SESTD1: variants seen among roughly 807,000 people sequenced by gnomAD.
SESTD1 encodes SEC14 and spectrin domain containing 1, also known as SEC14 domain and spectrin repeat-containing protein 1.
A neutral mutation model predicts 101.7 loss-of-function variants in SESTD1; 43 were observed. The observed-to-expected ratio is 0.42, with a 90% CI of 0.33 to 0.55. The LOEUF (loss-of-function observed/expected upper bound fraction) is 0.55, where lower values mean the gene tolerates loss of function less well. Ranked by LOEUF, SESTD1 falls within the 20% of genes least tolerant of loss-of-function variation. The pLI is 0.07. For synonymous variants in SESTD1, 283 were observed against 286.8 expected (o/e 0.99, Z 0.13); for missense variants, 647 against 815.1 (o/e 0.79, Z 2.51).
intron 5 of SESTD1, among the ~76,000 whole-genome samples, chr2:179,164,957 C>T (rs1256911550): frequency 6.6e-6 from 1 of 152,152 alleles, no homozygotes; most frequent in African/African-American, 2.4e-5. Flanking sequence ...TAAATATTTA[C>T]AAACACAGGC....
chr2:179,155,614 T>C (rs2045612974), intron 5 of SESTD1, among the ~76,000 whole-genome samples: 1 of 150,892 alleles, frequency 6.6e-6, no homozygotes, highest in Non-Finnish European at 1.5e-5. Flanking sequence ...AGATTCTGTC[T>C]CAAAAAAAAA....
At chr2:179,138,662 C>G (rs1186147185) in intron 9 of SESTD1, among the ~76,000 whole-genome samples, 1 of 152,012 alleles carries the variant, frequency 6.6e-6, no homozygotes, top group Admixed American at 6.6e-5. Flanking sequence ...ACAAAAAATA[C>G]TTCTGCAGCC....
chr2:179,108,166 T>C lies in SESTD1; in HGVS notation c.*1733A>G, dbSNP rs776404680. ...TGGACCAGGTATGTAATCCAGAACA[T>C]TGGTATAAAATAAAAACTCTAAGGA... On this transcript the variant is annotated 3_prime_UTR_variant, in exon 18 of 18. Coordinates refer to ENST00000428443, the MANE Select transcript of SESTD1 (RefSeq NM_178123.5). The C allele has an allele frequency of 5.3e-5, 8 of 152,090 alleles. No homozygotes were observed. Among genetic ancestry groups the C allele is most frequent in the Non-Finnish European group, 8.8e-5 (6 of 68,002 alleles). The allele number at this position is 152,090 out of a possible 1,614,324, so 9.4% of individuals were successfully genotyped here.
intron 1 of SESTD1, among the ~76,000 whole-genome samples, chr2:179,246,974 T>C (rs1211705246): frequency 2.6e-5 from 4 of 152,184 alleles, no homozygotes; most frequent in East Asian, 3.8e-4. Flanking sequence ...TCCCATTATA[T>C]ATATTTTTTA....
intron 9 of SESTD1, among the ~76,000 whole-genome samples, chr2:179,143,094 TATAAAA>T (rs1271685535): frequency 1.3e-5 from 2 of 152,146 alleles, no homozygotes; most frequent in African/African-American, 2.4e-5. Flanking sequence ...CTACTTTTCT[TATAAAA>T]ATAAAGTTTA....
rs2046537826 is a variant in SESTD1 at position 179,202,779 on chromosome 2, C to T, written c.-25-10913G>A. Among the ~76,000 whole-genome samples, 4 of 135,444 alleles carry T rather than the reference C, an allele frequency of 3.0e-5. 1 individual carries two copies. In the South Asian group the frequency reaches 8.4e-4, roughly 29 times the overall value. The allele number at this position is 135,444 out of a possible 152,430, so 88.9% of individuals were successfully genotyped here. A position where few individuals can be genotyped will look rare whatever the true frequency, so the allele number is the denominator to read the frequency against. The stretch of plus-strand genomic sequence containing the variant: ...TCCCCAAAGATGCCTGCTACCTTCA[C>T]GAATCTCTCCTGGATTCAGCTGGTC... On this transcript the variant is annotated intron_variant, in intron 1 of 17. Transcript: ENST00000428443.
intron 7 of SESTD1, among the ~76,000 whole-genome samples, chr2:179,148,335 G>C (rs1372036660): frequency 6.6e-6 from 1 of 152,166 alleles, no homozygotes; most frequent in African/African-American, 2.4e-5. Context: ...TAATCAAGTG[G>C]CCTGAATAGT....
chr2:179,253,608 T>C (rs1479477133), intron 1 of SESTD1, among the ~76,000 whole-genome samples: 7 of 152,188 alleles, frequency 4.6e-5, no homozygotes, highest in African/African-American at 1.2e-4. Context: ...CAGAACACTA[T>C]GTGATACAGA....
intron 9 of SESTD1, among the ~76,000 whole-genome samples, chr2:179,141,696 C>T (rs1467669657): frequency 6.6e-6 from 1 of 152,018 alleles, no homozygotes; most frequent in Admixed American, 6.6e-5. Flanking sequence ...GACATAAGGA[C>T]CTTCCTTTTC....
At chr2:179,162,383 A>C (rs1050732619) in intron 5 of SESTD1, 3 of 152,214 alleles carry the variant, frequency 2.0e-5, no homozygotes, top group Non-Finnish European at 2.9e-5. Flanking sequence ...TGGAATACAA[A>C]GTTTAAAGAG....
At chr2:179,128,798 T>C (rs1443850768) in intron 10 of SESTD1, among the ~76,000 whole-genome samples, 1 of 151,698 alleles carries the variant, frequency 6.6e-6, no homozygotes, top group Non-Finnish European at 1.5e-5. Flanking sequence ...CTTAGGTGTA[T>C]TTTGTTCACT....
At chr2:179,224,747 A>T (rs1042727148) in intron 1 of SESTD1, among the ~76,000 whole-genome samples, 1 of 152,156 alleles carries the variant, frequency 6.6e-6, no homozygotes, top group Non-Finnish European at 1.5e-5. Flanking sequence ...ACCCTACAGG[A>T]CTGGATTCAG....
At chr2:179,115,518 T>TG (rs1460859059) in intron 15 of SESTD1, among the ~76,000 whole-genome samples, 1 of 151,326 alleles carries the variant, frequency 6.6e-6, no homozygotes, top group African/African-American at 2.4e-5. Context: ...GAGGCTGAGG[T>TG]GGGTGGATTG....
At chr2:179,212,054 T>C (rs903550277) in intron 1 of SESTD1, among the ~76,000 whole-genome samples, 2 of 135,294 alleles carry the variant, frequency 1.5e-5, no homozygotes, top group Non-Finnish European at 3.2e-5. Flanking sequence ...TAGGAACAGC[T>C]ACAGTCTGCA....
chr2:179,121,092 C>A (rs945684055), intron 13 of SESTD1, among the ~76,000 whole-genome samples: 2 of 152,162 alleles, frequency 1.3e-5, no homozygotes, highest in Non-Finnish European at 2.9e-5. Flanking sequence ...GAAGAAATTT[C>A]TGCCTCATGA....
chr2:179,120,221 C>G (rs1231026969), intron 13 of SESTD1, among the ~76,000 whole-genome samples: 1 of 147,736 alleles, frequency 6.8e-6, no homozygotes, highest in African/African-American at 2.7e-5. Context: ...GAGCGAGACT[C>G]TGTTTCAAAA....
intron 1 of SESTD1, among the ~76,000 whole-genome samples, 155 bp from the exon 2 acceptor site, chr2:179,192,021 G>A (rs1160595388): frequency 1.3e-5 from 2 of 152,142 alleles, no homozygotes; most frequent in Non-Finnish European, 2.9e-5. Context: ...CCTGTGCATT[G>A]TAGAATAGTT....
chr2:179,186,613 T>A (rs1323743550), intron 2 of SESTD1, among the ~76,000 whole-genome samples: 1 of 152,094 alleles, frequency 6.6e-6, no homozygotes, highest in African/African-American at 2.4e-5. Context: ...CATCATGACA[T>A]CTACCTTGTA....
At chr2:179,185,933 ATATAT>A (rs1249241680) in intron 2 of SESTD1, among the ~76,000 whole-genome samples, 129 of 136,600 alleles carry the variant, frequency 9.4e-4, no homozygotes, top group Non-Finnish European at 1.7e-3. Flanking sequence ...AGCATATACA[ATATAT>A]TATATTATAT....
Sources: gnomAD v4.1 joint callset for allele counts (sites outside exome capture counted in the v4.1 genomes callset) on GRCh38, gnomAD v4.1.1 for gene constraint, MANE v1.5 for transcripts, NCBI Gene and HGNC (gene_info 2026-07-23, HGNC 2026-07-21) for gene names.